The following FAM76B variants were observed in gnomAD, a reference collection of about 807,000 sequenced individuals.
The protein encoded by FAM76B is protein FAM76B.
Under a neutral mutation model 51.8 loss-of-function variants are expected in FAM76B, and 16 were observed. The observed-to-expected ratio is 0.31, with a 90% CI of 0.21 to 0.47. The LOEUF is 0.47. Ranked by LOEUF, FAM76B falls within the 20% of genes least tolerant of loss-of-function variation. FAM76B has a pLI of 1.00. For synonymous variants in FAM76B, 166 were observed against 129.5 expected, an observed-to-expected ratio of 1.28 and a Z score of -1.91; for missense variants, 342 against 392.6, an observed-to-expected ratio of 0.87 and a Z score of 1.09.
chr11:95,787,007 G>A (rs903909437), intron 3 of FAM76B, among the ~76,000 whole-genome samples: 1 of 152,156 alleles, frequency 6.6e-6, no homozygotes, highest in African/African-American at 2.4e-5. Flanking sequence ...CTGTTCTGAA[G>A]TGGGCTAAAG....
rs1370046616 is a variant in FAM76B at position 95,789,621 on chromosome 11, A to C, written c.-143T>G. ...GCGCCCACCAGGGCCTCGCCGCGAG[A>C]GCCCAGGGCCCCGCGGACGACGCCA... On this transcript the variant is annotated 5_prime_UTR_variant, in exon 1 of 10. Coordinates refer to ENST00000358780, the MANE Select transcript of FAM76B (RefSeq NM_144664.5). 2 of 614,634 alleles carry C rather than the reference A, an allele frequency of 3.3e-6. No individual in the cohort carries two copies. The highest frequency in any genetic ancestry group is 2.3e-5 in the South Asian group (1 of 43,846). The allele number at this position is 614,634 out of a possible 1,614,324, so 38.1% of individuals were successfully genotyped here.
In FAM76B at chr11:95,786,775, A is replaced by G. The variant is rs116857146; in HGVS notation, c.208-501T>C. The G allele has an allele frequency of 6.5e-3, 991 of 152,586 alleles. 28 individuals are homozygous for G. Among genetic ancestry groups the G allele is most frequent in the East Asian group, 0.046 (239 of 5,198 alleles). The allele number at this position is 152,586 out of a possible 1,614,324, so 9.5% of individuals were successfully genotyped here. On this transcript the variant is annotated intron_variant, in intron 3 of 9. Coordinates refer to ENST00000358780, the MANE Select transcript of FAM76B (RefSeq NM_144664.5). Reference sequence around the variant, plus strand: ...ATGAGAACAAGCATATTCAACATAAACTATAAAAACATACCTTGATTTTCT... The same window carrying G: ...ATGAGAACAAGCATATTCAACATAAGCTATAAAAACATACCTTGATTTTCT...
chr11:95,784,864 A>G (rs1860475458), intron 4 of FAM76B, among the ~76,000 whole-genome samples: 1 of 152,044 alleles, frequency 6.6e-6, no homozygotes, highest in Non-Finnish European at 1.5e-5. Flanking sequence ...TGGGATTACA[A>G]GCATGAGCCA....
In FAM76B at chr11:95,788,838, A is replaced by G. The variant is rs529783178; in HGVS notation, c.88-275T>C. On this transcript the variant is annotated intron_variant, in intron 1 of 9. Transcript: ENST00000358780. ...CTATTTCAAGGATTGGTTAAATGTGAAACTACTTATTATTTTGCACCGTTG... is the reference window on the plus strand; with the variant it reads ...CTATTTCAAGGATTGGTTAAATGTGGAACTACTTATTATTTTGCACCGTTG... 2.5e-5 allele frequency: 36 copies of G among 1,430,254 alleles called. No homozygotes were observed. In the South Asian group the frequency reaches 4.4e-4, roughly 17 times the overall value. 88.6% of individuals were successfully genotyped at this position (1,430,254 alleles called of 1,614,324 possible).
intron 9 of FAM76B, among the ~76,000 whole-genome samples, chr11:95,772,723 C>T (rs553495952): frequency 2.0e-5 from 3 of 151,046 alleles, no homozygotes; most frequent in East Asian, 3.9e-4. Context: ...TAGCTTTTTA[C>T]GGGCAGATAA....
rs760134693 is a variant in FAM76B at position 95,769,050 on chromosome 11, T to C, written c.*2511A>G. 2.6e-5 allele frequency: 4 copies of C among 152,448 alleles called. No homozygotes were observed. Among genetic ancestry groups the C allele is most frequent in the Non-Finnish European group, 4.4e-5 (3 of 67,930 alleles). 9.4% of individuals were successfully genotyped at this position (152,448 alleles called of 1,614,324 possible). ...ACAAGTACAGTATTTCAATAGTCTA[T>C]ACATGTGAACAGCTTAACAGGTTCA... On this transcript the variant is annotated 3_prime_UTR_variant, in exon 10 of 10. Coordinates refer to ENST00000358780, the MANE Select transcript of FAM76B (RefSeq NM_144664.5).
At chr11:95,777,878 A>C (rs1483197981) in intron 8 of FAM76B, among the ~76,000 whole-genome samples, 1 of 151,480 alleles carries the variant, frequency 6.6e-6, no homozygotes, top group Non-Finnish European at 1.5e-5. Context: ...CCTACTGCAT[A>C]ATACATTTGA....
intron 5 of FAM76B, among the ~76,000 whole-genome samples, chr11:95,782,434 G>GT (rs1159656865): frequency 9.9e-5 from 15 of 152,018 alleles, no homozygotes; most frequent in Admixed American, 6.5e-5. Context: ...CAGAACTGGA[G>GT]TATATGCAAA....
At chr11:95,788,467 T>C in intron 2 of FAM76B, 32 bp downstream of exon 2, 1 of 1,520,916 alleles carries the variant, frequency 6.6e-7, no homozygotes, top group Non-Finnish European at 9.1e-7. Flanking sequence ...AACACTTGTC[T>C]TTAACAGTCA....
intron 1 of FAM76B, 44 bp downstream of exon 1, chr11:95,789,348 C>A (rs966224077): frequency 1.3e-6 from 2 of 1,548,494 alleles, no homozygotes; most frequent in Middle Eastern, 3.6e-4. Context: ...CCTCCGGCTA[C>A]GGCCGAGGAC....
chr11:95,780,347 G>C (rs2120238050), intron 5 of FAM76B, among the ~76,000 whole-genome samples: 1 of 151,938 alleles, frequency 6.6e-6, no homozygotes, highest in South Asian at 2.1e-4. Context: ...AACTCAAGTT[G>C]CTCAGAATAG....
Position 95,778,849 on chromosome 11 carries a change from G to A in FAM76B, c.801C>T (p.Asp267=). 6.2e-7 allele frequency: 1 copy of A among 1,608,604 alleles called. No homozygotes were observed. Among genetic ancestry groups the A allele is most frequent in the Non-Finnish European group, 8.5e-7 (1 of 1,177,366 alleles). ...TTTTATCTTTTTCTAAAATGGTCTG[G>A]TCTCTCTGCTGTAAGAGACGCTTAA... ...MSLKRLLQQR[D]QTILEKDKKL... Residue 267 remains aspartate, a synonymous_variant, in exon 8 of 10, where the codon GAC becomes GAT. Coordinates refer to ENST00000358780, the MANE Select transcript of FAM76B (RefSeq NM_144664.5).
At chr11:95,783,326 T>A (rs1860377399) in intron 4 of FAM76B, 62 bp from the exon 5 acceptor site, 1 of 1,447,202 alleles carries the variant, frequency 6.9e-7, no homozygotes, top group South Asian at 1.2e-5. Flanking sequence ...CGAAACCAGG[T>A]AAGATAAACC....
rs764676641 is a variant in FAM76B, at chr11:95,779,565, A to C, written c.692+42T>G. ...ACTGGCATTCAACCATAACTATTCA[A>C]CTAAGTTGAATTTTCATAACACTAA... On this transcript the variant is annotated intron_variant, in intron 7 of 9. Coordinates refer to ENST00000358780, the MANE Select transcript of FAM76B (RefSeq NM_144664.5). The C allele has an allele frequency of 1.2e-5, 19 of 1,529,346 alleles. No homozygotes were observed. The South Asian group carries it at 1.8e-4, about 15-fold the overall frequency. The allele number at this position is 1,529,346 out of a possible 1,614,324, so 94.7% of individuals were successfully genotyped here.
chr11:95,781,590 T>C (rs1263708075), intron 5 of FAM76B, among the ~76,000 whole-genome samples: 5 of 152,146 alleles, frequency 3.3e-5, no homozygotes, highest in Non-Finnish European at 7.4e-5. Context: ...GACAAATTTA[T>C]CTGTAAAGAA....
At chr11:95,787,392 C>G (rs1167327066) in intron 3 of FAM76B, among the ~76,000 whole-genome samples, 1 of 152,168 alleles carries the variant, frequency 6.6e-6, no homozygotes, top group African/African-American at 2.4e-5. Context: ...CACCACCATA[C>G]CCGGCTCATT....
chr11:95,788,626 A>T (rs757743620), intron 1 of FAM76B, 63 bp from the exon 2 acceptor site: 2 of 1,512,332 alleles, frequency 1.3e-6, no homozygotes, highest in Non-Finnish European at 1.8e-6. Context: ...CTTTTCTGGT[A>T]GAAAACTGTT....
chr11:95,771,686 T>G (rs575443253), intron 9 of FAM76B, 36 bp from the exon 10 acceptor site: 6 of 1,515,406 alleles, frequency 4.0e-6, no homozygotes, highest in Non-Finnish European at 5.5e-6. Flanking sequence ...TTAAAAATGT[T>G]TGAAATATTA....
rs1216050017 is a variant in FAM76B, at chr11:95,771,416, A to G, written c.*145T>C. 22 of 550,666 alleles carry G rather than the reference A, an allele frequency of 4.0e-5. No homozygotes were observed. Among genetic ancestry groups the G allele is most frequent in the East Asian group, 3.5e-4 (11 of 31,826 alleles). The allele number at this position is 550,666 out of a possible 1,614,324, so 34.1% of individuals were successfully genotyped here. A position where few individuals can be genotyped will look rare whatever the true frequency, so the allele number is the denominator to read the frequency against. On this transcript the variant is annotated 3_prime_UTR_variant, in exon 10 of 10. Transcript: ENST00000358780. ...TGTTTTACAACTTAAAAAATGCTGT[A>G]TATCAATTACAAAAGTGAACAGGAA...
Sources: gnomAD v4.1 joint callset for allele counts (sites outside exome capture counted in the v4.1 genomes callset) on GRCh38, gnomAD v4.1.1 for gene constraint, MANE v1.5 for transcripts, NCBI Gene and HGNC (gene_info 2026-07-23, HGNC 2026-07-21) for gene names.